The following CDH13 variants were observed in gnomAD, a reference collection of about 807,000 sequenced individuals.
The protein encoded by CDH13 is cadherin 13.
Under a neutral mutation model 63.8 loss-of-function variants are expected in CDH13, and 24 were observed. The ratio of observed to expected loss-of-function variants is 0.38; its 90% confidence interval spans 0.27 to 0.53. The LOEUF is 0.53. Ranked by LOEUF, CDH13 falls within the 20% of genes least tolerant of loss-of-function variation. The pLI is 0.85. For missense variants in CDH13, 1,049 were observed against 903.1 expected, an observed-to-expected ratio of 1.16 and a Z score of -2.07; for synonymous variants, 503 against 355.3, an observed-to-expected ratio of 1.42 and a Z score of -4.67.
Position 83,293,578 on chromosome 16 carries a change from T to C in CDH13, c.637-51284T>C, listed in dbSNP as rs1190452521. Reference sequence around the variant, plus strand: ...TGTCTATATTCAGAGGTTATTTCTATCTCAGGGATAGTATTTTACTAATCA... The same window carrying C: ...TGTCTATATTCAGAGGTTATTTCTACCTCAGGGATAGTATTTTACTAATCA... On this transcript the variant is annotated intron_variant, in intron 5 of 13. Transcript: ENST00000567109. Among the ~76,000 whole-genome samples, 3 of 152,192 alleles carry C rather than the reference T, an allele frequency of 2.0e-5. No individual in the cohort carries two copies. The East Asian group carries it at 5.8e-4, about 29-fold the overall frequency.
At chr16:83,429,622 C>G (rs1230610769) in intron 6 of CDH13, among the ~76,000 whole-genome samples, 1 of 152,092 alleles carries the variant, frequency 6.6e-6, no homozygotes, top group Non-Finnish European at 1.5e-5. Context: ...GCCAAACAAC[C>G]TACTCAGAAT....
chr16:82,879,802 T>C (rs1207696522), intron 2 of CDH13, among the ~76,000 whole-genome samples: 1 of 134,640 alleles, frequency 7.4e-6, no homozygotes, highest in Non-Finnish European at 1.5e-5. Context: ...AATATGAATA[T>C]ATATTATATA....
intron 6 of CDH13, among the ~76,000 whole-genome samples, chr16:83,371,624 G>A (rs1395374563): frequency 1.3e-5 from 2 of 152,158 alleles, no homozygotes; most frequent in East Asian, 3.8e-4. Context: ...TCATTGCTTA[G>A]AAGTAAGTTA....
intron 1 of CDH13, among the ~76,000 whole-genome samples, chr16:82,667,376 G>A (rs1334184141): frequency 6.6e-6 from 1 of 152,206 alleles, no homozygotes; most frequent in African/African-American, 2.4e-5. Context: ...AACTGATTGA[G>A]AGGTTTGTAG....
At position 83,502,021 on chromosome 16, in the gene CDH13, A is replaced by C. The variant is rs2074294749; in HGVS notation, c.960+15366A>C. Among the ~76,000 whole-genome samples, 4 of 152,302 alleles carry C rather than the reference A, an allele frequency of 2.6e-5. No homozygotes were observed. The South Asian group carries it at 8.3e-4, about 32-fold the overall frequency. On this transcript the variant is annotated intron_variant, in intron 7 of 13. Coordinates refer to ENST00000567109, the MANE Select transcript of CDH13 (RefSeq NM_001257.5). ...CTTATTACTTGTGTGGCCTTGGGCA[A>C]GTCACCTCACCTACCTGAGCCTAGG...
chr16:83,553,959 G>A (rs2075557184), intron 7 of CDH13, among the ~76,000 whole-genome samples: 1 of 152,134 alleles, frequency 6.6e-6, no homozygotes, highest in African/African-American at 2.4e-5. Flanking sequence ...TCTTTTATAG[G>A]TATTTATAAA....
intron 3 of CDH13, among the ~76,000 whole-genome samples, chr16:83,105,322 G>GA (rs1286250719): frequency 6.6e-6 from 1 of 152,148 alleles, no homozygotes; most frequent in Non-Finnish European, 1.5e-5. Flanking sequence ...GTCTGTCCTG[G>GA]AATAATCCAG....
chr16:83,139,396 C>T (rs528319057), intron 4 of CDH13, among the ~76,000 whole-genome samples: 117 of 152,268 alleles, frequency 7.7e-4, no homozygotes, highest in Admixed American at 2.0e-3. Flanking sequence ...TCACTGTTGG[C>T]CTTCTAGCCT....
intron 6 of CDH13, among the ~76,000 whole-genome samples, chr16:83,454,229 G>A (rs758477195): frequency 1.1e-4 from 17 of 152,188 alleles, no homozygotes; most frequent in African/African-American, 4.8e-5. Context: ...ACCAGAAGAC[G>A]TCTTTAAATT....
chr16:83,593,949 G>A (rs1907013616), intron 7 of CDH13, among the ~76,000 whole-genome samples: 3 of 152,178 alleles, frequency 2.0e-5, no homozygotes, highest in Admixed American at 2.0e-4. Context: ...AAAACTTAGT[G>A]ACTTGAGACA....
chr16:83,619,634 C>G (rs1041181106), intron 8 of CDH13, among the ~76,000 whole-genome samples: 1 of 145,474 alleles, frequency 6.9e-6, no homozygotes, highest in Admixed American at 6.9e-5. Flanking sequence ...CACGAGCATC[C>G]CCCCAGTTCC....
intron 10 of CDH13, among the ~76,000 whole-genome samples, chr16:83,682,977 A>G (rs1193244212): frequency 6.6e-6 from 1 of 151,970 alleles, no homozygotes; most frequent in East Asian, 1.9e-4. Flanking sequence ...GCTAAGTCCA[A>G]CTCCTGGGCC....
At chr16:83,202,863 A>G (rs1183801693) in intron 4 of CDH13, among the ~76,000 whole-genome samples, 1 of 150,878 alleles carries the variant, frequency 6.6e-6, no homozygotes, top group Non-Finnish European at 1.5e-5. Context: ...ACATGGACAT[A>G]AAGACAGGAA....
At chr16:83,089,600 G>A (rs2033794535) in intron 3 of CDH13, among the ~76,000 whole-genome samples, 3 of 152,216 alleles carry the variant, frequency 2.0e-5, no homozygotes, top group Admixed American at 2.0e-4. Context: ...GGTGGGGAAT[G>A]GGGTTCACAG....
intron 8 of CDH13, among the ~76,000 whole-genome samples, chr16:83,664,541 A>G (rs1913754258): frequency 7.0e-6 from 1 of 143,508 alleles, no homozygotes; most frequent in South Asian, 2.3e-4. Flanking sequence ...TATATTTCAT[A>G]TTATATATGT....
chr16:82,958,708 G>A (rs79834708), intron 2 of CDH13, among the ~76,000 whole-genome samples: 3,413 of 152,338 alleles, frequency 0.022, 64 homozygotes, highest in Non-Finnish European at 0.039. Flanking sequence ...TGACCCAGGA[G>A]GCACCAGCCG....
intron 6 of CDH13, among the ~76,000 whole-genome samples, chr16:83,371,333 A>T (rs1212864181): frequency 6.6e-6 from 1 of 152,144 alleles, no homozygotes; most frequent in Non-Finnish European, 1.5e-5. Context: ...CTTTTGCATT[A>T]GTGGAGAAAC....
intron 7 of CDH13, among the ~76,000 whole-genome samples, chr16:83,520,943 A>T (rs1488321419): frequency 6.7e-6 from 1 of 149,098 alleles, no homozygotes; most frequent in Non-Finnish European, 1.5e-5. Flanking sequence ...AAGTGTTCAC[A>T]GGAAGTGCCT....
chr16:82,861,909 G>A (rs942976635), intron 2 of CDH13, among the ~76,000 whole-genome samples: 55 of 152,152 alleles, frequency 3.6e-4, no homozygotes, highest in African/African-American at 1.3e-3. Flanking sequence ...AGGGAAACTT[G>A]GGTAAAACTT....
Sources: allele counts gnomAD v4.1 joint callset (sites outside exome capture counted in the v4.1 genomes callset), GRCh38; gene constraint gnomAD v4.1.1; transcripts MANE v1.5; gene names NCBI Gene and HGNC (gene_info 2026-07-23, HGNC 2026-07-21).